The following ENDOD1 variants were observed in gnomAD, a reference collection of about 807,000 sequenced individuals.
The protein encoded by ENDOD1 is endonuclease domain containing 1.
Under a neutral mutation model 6.5 loss-of-function variants are expected in ENDOD1, and 9 were observed. The ratio of observed to expected loss-of-function variants is 1.39; its 90% confidence interval spans 0.84 to 2.43. The LOEUF (loss-of-function observed/expected upper bound fraction) is 2.43. Among genes scored for constraint, ENDOD1 ranks in the 30% most tolerant of loss-of-function variants. ENDOD1 has a pLI of 0.00. For synonymous variants in ENDOD1, 255 were observed against 255.2 expected (o/e 1.00, Z 0.01); for missense variants, 648 against 635.5 (o/e 1.02, Z -0.21).
rs1010542902 is a variant in ENDOD1, at chr11:95,129,215, G to T, written c.1139G>T (p.Gly380Val). ...ATAGAAAGTTGCCTTTACCGCCTGG[G>T]CTCAGCCACCATCTCATACTTCATG... ...NGIESCLYRL[G>V]SATISYFMAI... The change falls in exon 2 of 2, where the codon GGC becomes GTC. Residue 380 changes from glycine to valine, a missense_variant. By Grantham distance (109) the Gly-to-Val change is moderately radical. Transcript: ENST00000278505. 8 of 1,614,128 alleles carry T rather than the reference G, an allele frequency of 5.0e-6. No individual in the cohort carries two copies. The highest frequency in any genetic ancestry group is 3.3e-4 in the Middle Eastern group (2 of 6,062).
At chr11:95,103,918 G>A (rs1164522958) in intron 1 of ENDOD1, among the ~76,000 whole-genome samples, 1 of 152,222 alleles carries the variant, frequency 6.6e-6, no homozygotes, top group African/African-American at 2.4e-5. Context: ...TGGACAGCTA[G>A]GATGAGTGTA....
chr11:95,115,484 C>T (rs1859199501), intron 1 of ENDOD1, among the ~76,000 whole-genome samples: 1 of 151,832 alleles, frequency 6.6e-6, no homozygotes, highest in Non-Finnish European at 1.5e-5. Flanking sequence ...ATTTGGATGC[C>T]CTTTATTTCT....
At chr11:95,122,067 A>T (rs995255675) in intron 1 of ENDOD1, among the ~76,000 whole-genome samples, 1 of 152,202 alleles carries the variant, frequency 6.6e-6, no homozygotes, top group Non-Finnish European at 1.5e-5. Context: ...TTAGGGAGCA[A>T]TGTTGTCAGT....
chr11:95,090,378 A>G, intron 1 of ENDOD1, 151 bp downstream of exon 1: 1 of 1,083,516 alleles, frequency 9.2e-7, no homozygotes, highest in Non-Finnish European at 1.2e-6. Flanking sequence ...TTCCAGGTCC[A>G]CCCTGTTGCG....
intron 1 of ENDOD1, among the ~76,000 whole-genome samples, chr11:95,113,658 A>G (rs1859172179): frequency 6.6e-6 from 1 of 152,204 alleles, no homozygotes; most frequent in Non-Finnish European, 1.5e-5. Flanking sequence ...GTTGAAGGAC[A>G]CTTAGGTTGT....
intron 1 of ENDOD1, among the ~76,000 whole-genome samples, chr11:95,110,579 A>ATGTGTGGTGTGTGTGTGTGTG (rs1555111812): frequency 3.8e-4 from 52 of 135,254 alleles, no homozygotes; most frequent in African/African-American, 1.3e-3. Flanking sequence ...AAGTCCGTGT[A>ATGTGTGGTGTGTGTGTGTGTG]TGTATGTGTG....
intron 1 of ENDOD1, among the ~76,000 whole-genome samples, chr11:95,108,869 GA>G (rs1859119763): frequency 2.0e-5 from 3 of 152,086 alleles, no homozygotes; most frequent in African/African-American, 7.2e-5. Flanking sequence ...CTGTGCAGAG[GA>G]CCTTTAGGCC....
Position 95,129,631 on chromosome 11 carries a change from T to C in ENDOD1, c.*52T>C, listed in dbSNP as rs779512760. 2 of 1,551,826 alleles carry C rather than the reference T, an allele frequency of 1.3e-6. No individual in the cohort carries two copies. Among genetic ancestry groups the C allele is most frequent in the Non-Finnish European group, 1.7e-6 (2 of 1,146,844 alleles). ...ACAGTGAATTTGAAAGCTGGAATAG[T>C]TTGTCTTTACAATGGGTTTCTGTTC... On this transcript the variant is annotated 3_prime_UTR_variant, in exon 2 of 2. Transcript: ENST00000278505.
chr11:95,129,380 T>C lies in ENDOD1; in HGVS notation c.1304T>C (p.Val435Ala). The change falls in exon 2 of 2, where the codon GTG (valine) becomes GCG (alanine). Residue 435 changes from valine to alanine, a missense_variant. Transcript: ENST00000278505. Reference sequence around the variant, plus strand: ...CTGAGCATCCCTGTCCGTGTCCTTGTGGATGTGGCCACTTTCCCTGTGTAC... The same window carrying C: ...CTGAGCATCCCTGTCCGTGTCCTTGCGGATGTGGCCACTTTCCCTGTGTAC... ...RVLSIPVRVL[V>A]DVATFPVYTM... 1.9e-6 allele frequency: 3 copies of C among 1,614,190 alleles called. No individual in the cohort carries two copies. Among genetic ancestry groups the C allele is most frequent in the Non-Finnish European group, 2.5e-6 (3 of 1,180,018 alleles).
At position 95,090,062 on chromosome 11, in the gene ENDOD1, G is replaced by A; in HGVS notation, c.135G>A (p.Ala45=). ...TCTTCTACGCCGGGACCCCGCCTGC[G>A]GGGCTGGCGGCCGATTCCCACGTGA... ...DKFFYAGTPP[A]GLAADSHVKI... The change falls in exon 1 of 2, where the codon GCG becomes GCA. Residue 45 remains alanine (A), a synonymous_variant. Coordinates refer to ENST00000278505, the MANE Select transcript of ENDOD1 (RefSeq NM_015036.3). The A allele has an allele frequency of 1.2e-6, 2 of 1,602,726 alleles. No homozygotes were observed. The highest frequency in any genetic ancestry group is 1.7e-6 in the Non-Finnish European group (2 of 1,175,872).
chr11:95,120,835 A>G (rs1052005980), intron 1 of ENDOD1, among the ~76,000 whole-genome samples: 7 of 152,186 alleles, frequency 4.6e-5, no homozygotes, highest in Non-Finnish European at 1.0e-4. Flanking sequence ...TGGAAAATCA[A>G]GTTCCAACCA....
rs762889210 is a variant in ENDOD1, at chr11:95,128,755, G to C, written c.679G>C (p.Val227Leu). 2 of 1,614,172 alleles carry C rather than the reference G, an allele frequency of 1.2e-6. No homozygotes were observed. The highest frequency in any genetic ancestry group is 1.7e-6 in the Non-Finnish European group (2 of 1,180,030). ...TGTTTGGCTGGCAGCCTGTTGTGCT[G>C]TCCCTGGAGGAGGCTGGGCCATGGG... is the stretch of plus-strand genomic sequence containing the variant. Reference protein sequence around the residue: ...EFVWLAACCAVPGGGWAMGFV... With the variant: ...EFVWLAACCALPGGGWAMGFV... Residue 227 changes from valine (V) to leucine (L), a missense_variant, in exon 2 of 2, where the codon GTC (valine) becomes CTC (leucine). Transcript: ENST00000278505.
intron 1 of ENDOD1, among the ~76,000 whole-genome samples, chr11:95,109,742 CT>C (rs1193136448): frequency 6.6e-6 from 1 of 152,276 alleles, no homozygotes; most frequent in Admixed American, 6.5e-5. Flanking sequence ...CATGCTGCTC[CT>C]TCGAGAATCC....
intron 1 of ENDOD1, among the ~76,000 whole-genome samples, chr11:95,111,059 G>T (rs1188164624): frequency 6.6e-6 from 1 of 152,168 alleles, no homozygotes; most frequent in Admixed American, 6.5e-5. Flanking sequence ...AGCAGTGTTG[G>T]TACTGGCAGG....
At chr11:95,111,033 G>A (rs531901320) in intron 1 of ENDOD1, among the ~76,000 whole-genome samples, 1 of 152,324 alleles carries the variant, frequency 6.6e-6, no homozygotes, top group South Asian at 2.1e-4. Context: ...CAGAAAAGGA[G>A]TGGAGGAGGC....
rs200529219 is a variant in ENDOD1, at chr11:95,128,797, C to A, written c.721C>A (p.Arg241=). 1.7e-4 allele frequency: 279 copies of A among 1,613,996 alleles called. No homozygotes were observed. Among genetic ancestry groups the A allele is most frequent in the Non-Finnish European group, 2.3e-4 (268 of 1,180,022 alleles). Residue 241 remains arginine (R), a synonymous_variant, in exon 2 of 2, where the codon CGG becomes AGG. Transcript: ENST00000278505. The part of the protein sequence containing the change: ...GWAMGFVKHT[R]DSDIIEDVMV... The stretch of plus-strand genomic sequence containing the variant: ...GGCCATGGGCTTTGTCAAGCACACC[C>A]GGGACAGTGACATCATAGAAGATGT...
chr11:95,103,096 AGTGG>A (rs200214141), intron 1 of ENDOD1, among the ~76,000 whole-genome samples: 5,365 of 55,716 alleles, frequency 0.096, 146 homozygotes, highest in Admixed American at 0.2. Context: ...AACTAGGCAG[AGTGG>A]GTGTGTGTGT....
chr11:95,131,921 A>C lies in ENDOD1; in HGVS notation c.*2342A>C, dbSNP rs1418365484. 6.6e-6 allele frequency: 1 copy of C among 152,078 alleles called. No individual in the cohort carries two copies. The allele number at this position is 152,078 out of a possible 1,614,324, so 9.4% of individuals were successfully genotyped here. A position where few individuals can be genotyped will look rare whatever the true frequency, so the allele number is the denominator to read the frequency against. On this transcript the variant is annotated 3_prime_UTR_variant, in exon 2 of 2. Coordinates refer to ENST00000278505, the MANE Select transcript of ENDOD1 (RefSeq NM_015036.3). ...CCTAAAAAGGGACAATAAAGCAAAA[A>C]GTATCAGTAAGGATAGGTGGCTGAG...
chr11:95,094,945 A>C (rs1858968561), intron 1 of ENDOD1, among the ~76,000 whole-genome samples: 1 of 152,244 alleles, frequency 6.6e-6, no homozygotes, highest in South Asian at 2.1e-4. Context: ...AAGATAACAC[A>C]TGAGAGCATG....
Sources: gnomAD v4.1 joint callset for allele counts (sites outside exome capture counted in the v4.1 genomes callset) on GRCh38, gnomAD v4.1.1 for gene constraint, MANE v1.5 for transcripts, NCBI Gene and HGNC (gene_info 2026-07-23, HGNC 2026-07-21) for gene names.